PDS5A: variants seen among roughly 807,000 people sequenced by gnomAD.
The protein encoded by PDS5A is PDS5 cohesin associated factor A.
PDS5A carries 42 observed loss-of-function variants against 167.1 expected under a neutral mutation model. The ratio of observed to expected loss-of-function variants is 0.25; its 90% confidence interval spans 0.20 to 0.33. PDS5A has a LOEUF of 0.33. Among genes scored for constraint, PDS5A ranks in the 10% least tolerant of loss-of-function variants. The pLI is 1.00. For synonymous variants in PDS5A, 553 were observed against 554.6 expected (o/e 1.00, Z 0.04); for missense variants, 1,033 against 1,605.9 (o/e 0.64, Z 6.10).
intron 17 of PDS5A, among the ~76,000 whole-genome samples, chr4:39,885,882 G>A (rs1216750854): frequency 1.3e-5 from 2 of 152,152 alleles, no homozygotes; most frequent in African/African-American, 4.8e-5. Flanking sequence ...CTGAGCCCAG[G>A]AGGTCAAGGC....
intron 9 of PDS5A, among the ~76,000 whole-genome samples, chr4:39,912,354 T>G (rs552141272): frequency 7.2e-4 from 110 of 152,316 alleles, no homozygotes; most frequent in African/African-American, 2.4e-3. Context: ...CTTAAATGAT[T>G]TACAAAAAAT....
chr4:39,879,903 G>A, intron 17 of PDS5A, 70 bp from the exon 18 acceptor site: 2 of 900,256 alleles, frequency 2.2e-6, no homozygotes, highest in South Asian at 1.4e-5. Context: ...CACTGTGACA[G>A]AACATATATA....
chr4:39,893,343 C>T lies in PDS5A; in HGVS notation c.1771-2979G>A, dbSNP rs535971567. ...ATATCCCCCACCCCACACACAAATA[C>T]ACGTCTCTTTTGATAATCTTTGCTC... On this transcript the variant is annotated intron_variant, in intron 16 of 32. Coordinates refer to ENST00000303538, the MANE Select transcript of PDS5A (RefSeq NM_001100399.2). Among the ~76,000 whole-genome samples, 7 of 152,286 alleles carry T rather than the reference C, an allele frequency of 4.6e-5. No homozygotes were observed. The East Asian group carries it at 1.3e-3, about 29-fold the overall frequency.
chr4:39,917,118 A>G lies in PDS5A; in HGVS notation c.806T>C (p.Ile269Thr). 6.4e-7 allele frequency: 1 copy of G among 1,561,800 alleles called. No homozygotes were observed. Among genetic ancestry groups the G allele is most frequent in the Non-Finnish European group, 8.7e-7 (1 of 1,154,386 alleles). The change falls in exon 8 of 33, where the codon ATT becomes ACT. Residue 269 changes from isoleucine (I) to threonine (T), a missense_variant. By Grantham distance (89) the Ile-to-Thr change is moderately conservative. Around this residue, in one of 4 missense-constraint regions of PDS5A, gnomAD observed 388 missense variants for 615.1 expected, o/e 0.63. Coordinates refer to ENST00000303538, the MANE Select transcript of PDS5A (RefSeq NM_001100399.2). Reference protein sequence around the residue: ...SDLSEHVFDLIQELFAIDPHL... With the variant: ...SDLSEHVFDLTQELFAIDPHL... Reference sequence around the variant, plus strand: ...AGGATCTATAGCAAAAAGTTCCTGAATCAGATCAAATACATGTTCTGACAA... The same window carrying G: ...AGGATCTATAGCAAAAAGTTCCTGAGTCAGATCAAATACATGTTCTGACAA...
intron 5 of PDS5A, among the ~76,000 whole-genome samples, chr4:39,923,534 G>A (rs1725188976): frequency 1.3e-5 from 2 of 151,346 alleles, no homozygotes; most frequent in African/African-American, 4.9e-5. Flanking sequence ...TACTCAGAAG[G>A]CTGACATGGG....
rs768439418 is a variant in PDS5A at position 39,849,007 on chromosome 4, T to A, written c.3220-37A>T. 70 of 1,396,604 alleles carry A rather than the reference T, an allele frequency of 5.0e-5. No individual in the cohort carries two copies. In the African/African-American group the frequency reaches 8.8e-4, roughly 18 times the overall value. The allele number at this position is 1,396,604 out of a possible 1,614,324, so 86.5% of individuals were successfully genotyped here. A position where few individuals can be genotyped will look rare whatever the true frequency, so the allele number is the denominator to read the frequency against. On this transcript the variant is annotated intron_variant, in intron 27 of 32. Coordinates refer to ENST00000303538, the MANE Select transcript of PDS5A (RefSeq NM_001100399.2). ...AACGAATCATATATAACTTTTAGTA[T>A]TGCAAAATAATCATAATTACCAATT... is the stretch of plus-strand genomic sequence containing the variant.
chr4:39,953,851 C>T (rs1187636755), intron 2 of PDS5A, among the ~76,000 whole-genome samples: 1 of 152,176 alleles, frequency 6.6e-6, no homozygotes, highest in Non-Finnish European at 1.5e-5. Context: ...TCAATTTCTG[C>T]ATTTGTCCTA....
chr4:39,859,235 A>T (rs1011134296), intron 26 of PDS5A, among the ~76,000 whole-genome samples: 1 of 152,176 alleles, frequency 6.6e-6, no homozygotes, highest in South Asian at 2.1e-4. Flanking sequence ...ACAATAACTT[A>T]CTAATTTCCA....
At chr4:39,972,912 T>G (rs1203985767) in intron 2 of PDS5A, among the ~76,000 whole-genome samples, 1 of 99,350 alleles carries the variant, frequency 1.0e-5, no homozygotes, top group Non-Finnish European at 2.6e-5. Context: ...TTTGTGGGGT[T>G]TTTTTTGTTG....
chr4:39,951,897 T>C (rs1322098052), intron 2 of PDS5A, among the ~76,000 whole-genome samples: 4 of 36,076 alleles, frequency 1.1e-4, no homozygotes, highest in African/African-American at 3.0e-4. Context: ...AGAGTCTGTC[T>C]CAAAAAAAAA....
At chr4:39,954,569 C>T (rs1440304079) in intron 2 of PDS5A, among the ~76,000 whole-genome samples, 2 of 151,232 alleles carry the variant, frequency 1.3e-5, no homozygotes, top group African/African-American at 4.9e-5. Context: ...GATCCACCCG[C>T]CTTGGCCTCT....
intron 16 of PDS5A, among the ~76,000 whole-genome samples, chr4:39,892,827 T>C (rs1722089251): frequency 1.3e-5 from 2 of 152,228 alleles, no homozygotes; most frequent in South Asian, 4.1e-4. Flanking sequence ...GAGAGATTCA[T>C]GATGCTACAT....
chr4:39,849,458 C>CA, intron 27 of PDS5A, 62 bp downstream of exon 27: 1 of 646,530 alleles, frequency 1.5e-6, no homozygotes, highest in Non-Finnish European at 2.3e-6. Flanking sequence ...AAAAAAAAAC[C>CA]AAGTGGGACA....
intron 19 of PDS5A, 138 bp downstream of exon 19, chr4:39,876,855 G>A (rs190594001): frequency 2.5e-5 from 14 of 559,852 alleles, no homozygotes; most frequent in African/African-American, 1.9e-4. Context: ...CAAAGCAGAG[G>A]AGGACACAGA....
rs1373301579 is a variant in PDS5A at position 39,841,995 on chromosome 4, T to C, written c.3610A>G (p.Ile1204Val). ...VSENEENPVR[I>V]ISVTPVKNID... ...TTCTTTACAGGTGTGACTGAAATAA[T>C]CCTCACAGGGTTCTCTTCATTTTCA... is the stretch of plus-strand genomic sequence containing the variant. Residue 1204 changes from isoleucine (I) to valine (V), a missense_variant, in exon 31 of 33, where the codon ATT (isoleucine) becomes GTT (valine). By Grantham distance (29) the Ile-to-Val change is conservative. Coordinates refer to ENST00000303538, the MANE Select transcript of PDS5A (RefSeq NM_001100399.2). 1 of 1,609,298 alleles carries C rather than the reference T, an allele frequency of 6.2e-7. No homozygotes were observed. Among genetic ancestry groups the C allele is most frequent in the East Asian group, 2.2e-5 (1 of 44,826 alleles).
At chr4:39,837,561 C>A (rs563219093) in intron 32 of PDS5A, 10 of 294,128 alleles carry the variant, frequency 3.4e-5, no homozygotes, top group African/African-American at 6.6e-5. Flanking sequence ...ACCTCTGCAA[C>A]CACTTGAAAG....
chr4:39,939,334 A>G (rs1427387052), intron 2 of PDS5A, among the ~76,000 whole-genome samples: 1 of 152,030 alleles, frequency 6.6e-6, no homozygotes, highest in Admixed American at 6.6e-5. Flanking sequence ...GTGCATGGAG[A>G]CATGCGCCTG....
At chr4:39,892,417 A>T (rs1722055095) in intron 16 of PDS5A, among the ~76,000 whole-genome samples, 1 of 152,250 alleles carries the variant, frequency 6.6e-6, no homozygotes, top group South Asian at 2.1e-4. Context: ...TCTGATATCC[A>T]GTCAGCCAAA....
rs539804645 is a variant in PDS5A, at chr4:39,839,280, A to C, written c.3658-1072T>G. Reference sequence around the variant, plus strand: ...TAGATAGCAAGAGATTGATCTAAAAATGTAACGTCGGGCGGGCATGGTGGC... The same window carrying C: ...TAGATAGCAAGAGATTGATCTAAAACTGTAACGTCGGGCGGGCATGGTGGC... On this transcript the variant is annotated intron_variant, in intron 31 of 32. Transcript: ENST00000303538. Among the ~76,000 whole-genome samples, 7 of 152,078 alleles carry C rather than the reference A, an allele frequency of 4.6e-5. No individual in the cohort carries two copies. The South Asian group carries it at 1.5e-3, about 32-fold the overall frequency.
Sources: allele counts gnomAD v4.1 joint callset (sites outside exome capture counted in the v4.1 genomes callset), GRCh38; gene constraint gnomAD v4.1.1; regional missense constraint gnomAD v4.1.1; transcripts MANE v1.5; gene names NCBI Gene and HGNC (gene_info 2026-07-23, HGNC 2026-07-21).